FBXL13: variants seen among roughly 807,000 people sequenced by gnomAD.
The protein encoded by FBXL13 is F-box and leucine rich repeat protein 13, also known as F-box and leucine-rich repeat protein 13.
FBXL13 carries 67 observed loss-of-function variants against 83.6 expected under a neutral mutation model. The observed-to-expected ratio is 0.80, with a 90% CI of 0.66 to 0.98. FBXL13 has a LOEUF of 0.98. FBXL13 is among the 50% of genes least tolerant of loss of function. The probability of loss-of-function intolerance (pLI) is 0.00; values close to 1 mark genes in which losing one functional copy is unlikely to be tolerated. For missense variants in FBXL13, 822 were observed against 866.5 expected (o/e 0.95, Z 0.64); for synonymous variants, 272 against 299.5 (o/e 0.91, Z 0.95).
intron 11 of FBXL13, among the ~76,000 whole-genome samples, chr7:102,905,949 G>A (rs369653080): frequency 1.3e-5 from 2 of 152,188 alleles, no homozygotes; most frequent in African/African-American, 2.4e-5. Flanking sequence ...TCATAAAGAC[G>A]TACCTGAGAC....
chr7:102,901,236 C>T (rs1415250926), intron 11 of FBXL13, among the ~76,000 whole-genome samples: 1 of 152,136 alleles, frequency 6.6e-6, no homozygotes, highest in Non-Finnish European at 1.5e-5. Context: ...AATTTAAAGA[C>T]AGATTATGTG....
At chr7:102,968,259 A>C in intron 6 of FBXL13, 142 bp from the exon 8 acceptor site, 2 of 568,808 alleles carry the variant, frequency 3.5e-6, no homozygotes, top group East Asian at 5.6e-5. Flanking sequence ...ATACTTTGCA[A>C]ATAGCAAGAG....
chr7:103,072,449 A>G (rs1799059285), intron 1 of FBXL13, among the ~76,000 whole-genome samples: 1 of 152,158 alleles, frequency 6.6e-6, no homozygotes, highest in Admixed American at 6.5e-5. Flanking sequence ...GGTGCAGAAC[A>G]ATGCAGTAAG....
intron 11 of FBXL13, among the ~76,000 whole-genome samples, chr7:102,902,297 AAAGTTGTTTGAGCTC>A (rs774499339): frequency 1.3e-5 from 2 of 152,124 alleles, no homozygotes; most frequent in African/African-American, 2.4e-5. Context: ...TTTTTCCTAT[AAAGTTGTTTGAGCTC>A]CTTATATATT....
chr7:102,891,109 G>C (rs1212780781), intron 11 of FBXL13, among the ~76,000 whole-genome samples: 1 of 152,126 alleles, frequency 6.6e-6, no homozygotes, highest in Admixed American at 6.5e-5. Flanking sequence ...ACACTTCCTA[G>C]GGACTGTGCT....
chr7:102,956,442 AAT>A (rs1824285245), intron 8 of FBXL13, among the ~76,000 whole-genome samples: 1 of 152,212 alleles, frequency 6.6e-6, no homozygotes, highest in Non-Finnish European at 1.5e-5. Context: ...GAATGGGCAA[AAT>A]TTGGAAGCAT....
chr7:103,053,483 T>C (rs142752603), intron 2 of FBXL13, among the ~76,000 whole-genome samples: 74 of 152,348 alleles, frequency 4.9e-4, no homozygotes, highest in African/African-American at 1.7e-3. Context: ...AGTGATTCCC[T>C]ACGGGCTTCT....
chr7:102,874,110 ATAAT>A (rs1164980952), intron 16 of FBXL13, among the ~76,000 whole-genome samples: 1 of 152,250 alleles, frequency 6.6e-6, no homozygotes, highest in Non-Finnish European at 1.5e-5. Context: ...GAGAATGAAC[ATAAT>A]TATTAGAAAA....
intron 2 of FBXL13, among the ~76,000 whole-genome samples, chr7:103,034,611 A>G (rs1794888440): frequency 6.6e-6 from 1 of 152,210 alleles, no homozygotes. Flanking sequence ...AAGCTGAGGG[A>G]GCCGGTTCCG....
At chr7:103,042,950 A>C (rs576314346) in intron 2 of FBXL13, among the ~76,000 whole-genome samples, 1 of 152,248 alleles carries the variant, frequency 6.6e-6, no homozygotes, top group African/African-American at 2.4e-5. Flanking sequence ...CAATGGCAAC[A>C]AAAGCCAAAA....
intron 11 of FBXL13, among the ~76,000 whole-genome samples, chr7:102,900,861 A>G (rs1812879984): frequency 6.6e-6 from 1 of 152,216 alleles, no homozygotes; most frequent in South Asian, 2.1e-4. Flanking sequence ...AAAGAAACTA[A>G]CATTGTTTTG....
rs535556810 is a variant in FBXL13 at position 102,890,982 on chromosome 7, G to A, written c.1009-6670C>T. Among the ~76,000 whole-genome samples, 248 of 152,338 alleles carry A rather than the reference G, an allele frequency of 1.6e-3. 1 individual carries two copies. Among genetic ancestry groups the A allele is most frequent in the African/African-American group, 5.5e-3 (228 of 41,572 alleles). On this transcript the variant is annotated intron_variant, in intron 11 of 19. Coordinates refer to ENST00000313221, the Ensembl canonical transcript of FBXL13. ...TTATGTCCTCTTAGTGAACTCAAAG[G>A]AGCCTGACTTAGCAAGTAGAATGAA...
intron 2 of FBXL13, among the ~76,000 whole-genome samples, chr7:103,040,137 AG>A (rs1795508667): frequency 6.6e-6 from 1 of 152,070 alleles, no homozygotes; most frequent in Non-Finnish European, 1.5e-5. Flanking sequence ...ATACTTACCA[AG>A]CAAATGGAAA....
At chr7:102,831,446 G>C (rs887871558) in intron 18 of FBXL13, among the ~76,000 whole-genome samples, 3 of 150,266 alleles carry the variant, frequency 2.0e-5, no homozygotes, top group African/African-American at 7.5e-5. Context: ...ACTACAGAGA[G>C]TTATCTTGTC....
intron 16 of FBXL13, among the ~76,000 whole-genome samples, chr7:102,856,042 C>A (rs1232958485): frequency 2.0e-5 from 3 of 152,062 alleles, no homozygotes; most frequent in African/African-American, 7.2e-5. Flanking sequence ...CTTTTATTTG[C>A]ATTTATTTTA....
rs58855527 is a variant in FBXL13 at position 102,939,426 on chromosome 7, C to T, written c.725-7493G>A. On this transcript the variant is annotated intron_variant, in intron 8 of 19. Transcript: ENST00000313221. ...AATAACGTAAATATTATTAAATTTT[C>T]CAGAGTTGAAAAAAGTGCCAAACAA... 4.9e-5 allele frequency: 78 copies of T among 1,604,508 alleles called. No individual in the cohort carries two copies. In the African/African-American group the frequency reaches 9.3e-4, roughly 19 times the overall value.
rs561439895 is a variant in FBXL13, at chr7:102,855,902, A to C, written c.1636-1042T>G. Among the ~76,000 whole-genome samples, 27 of 151,836 alleles carry C rather than the reference A, an allele frequency of 1.8e-4. 1 individual carries two copies. Among genetic ancestry groups the C allele is most frequent in the Admixed American group, 1.7e-3 (26 of 15,270 alleles). On this transcript the variant is annotated intron_variant, in intron 16 of 19. Coordinates refer to ENST00000313221, the Ensembl canonical transcript of FBXL13. ...TGCACAGATTGGGCCTTCTCATAAA[A>C]AAAAAAAAGCCTGTATTAATAAAAA...
intron 2 of FBXL13, among the ~76,000 whole-genome samples, chr7:103,043,287 A>G (rs1257740292): frequency 2.0e-5 from 3 of 152,292 alleles, no homozygotes; most frequent in East Asian, 3.9e-4. Flanking sequence ...TCTCATGCCC[A>G]TTAGAATGGA....
At chr7:102,907,937 G>A (rs1420106996) in intron 11 of FBXL13, among the ~76,000 whole-genome samples, 1 of 152,138 alleles carries the variant, frequency 6.6e-6, no homozygotes, top group Non-Finnish European at 1.5e-5. Flanking sequence ...AGGATGTGGA[G>A]GAATAGGAAC....
Sources: allele counts gnomAD v4.1 joint callset (sites outside exome capture counted in the v4.1 genomes callset), GRCh38; gene constraint gnomAD v4.1.1; transcripts MANE v1.5; gene names NCBI Gene and HGNC (gene_info 2026-07-23, HGNC 2026-07-21).